ATP6V0A2: variants seen among roughly 807,000 people sequenced by gnomAD.
ATP6V0A2 encodes ATPase H+ transporting V0 subunit a2.
In ATP6V0A2, 58 loss-of-function variants were observed where a neutral mutation model predicts 104.4. That is an observed-to-expected ratio of 0.56 (90% CI 0.45 to 0.69). The LOEUF is 0.69. Among genes scored for constraint, ATP6V0A2 ranks in the 30% least tolerant of loss-of-function variants. ATP6V0A2 has a pLI of 0.00. For synonymous variants in ATP6V0A2, 376 were observed against 397.9 expected (o/e 0.95, Z 0.65); for missense variants, 938 against 1,062.9 (o/e 0.88, Z 1.63).
At chr12:123,724,925 T>G in intron 4 of ATP6V0A2, 134 bp downstream of exon 4, 1 of 594,256 alleles carries the variant, frequency 1.7e-6, no homozygotes, top group Non-Finnish European at 2.6e-6. Context: ...TAAATTTATT[T>G]ATTTATTTAA....
chr12:123,745,739 G>A (rs1195144557), intron 13 of ATP6V0A2, among the ~76,000 whole-genome samples: 1 of 150,578 alleles, frequency 6.6e-6, no homozygotes, highest in Non-Finnish European at 1.5e-5. Flanking sequence ...TGGAGAAGTA[G>A]CCCCAGGGTG....
In ATP6V0A2 at chr12:123,757,911, C is replaced by G. The variant is rs770866426; in HGVS notation, c.2466-16C>G. 5.5e-6 allele frequency: 7 copies of G among 1,261,584 alleles called. No individual in the cohort carries two copies. Among genetic ancestry groups the G allele is most frequent in the Non-Finnish European group, 7.7e-6 (7 of 904,582 alleles). 78.1% of individuals were successfully genotyped at this position (1,261,584 alleles called of 1,614,324 possible). On this transcript the variant is annotated splice_polypyrimidine_tract_variant and intron_variant, in intron 19 of 19. Transcript: ENST00000330342. ...TTCATAATCTTCCATTAATACATGG[C>G]TTTTTTTTTTTTTAGGGTAGAATTT... is the stretch of plus-strand genomic sequence containing the variant.
At chr12:123,721,189 G>GAT (rs1566274589) in intron 2 of ATP6V0A2, 2 of 106,998 alleles carry the variant, frequency 1.9e-5, no homozygotes, top group Non-Finnish European at 3.9e-5. Flanking sequence ...CATGAATCTA[G>GAT]GTGTTTTGTT....
chr12:123,719,742 T>C (rs1196960380), intron 2 of ATP6V0A2, among the ~76,000 whole-genome samples: 2 of 151,996 alleles, frequency 1.3e-5, no homozygotes, highest in Non-Finnish European at 2.9e-5. Context: ...GGTGCCCCAG[T>C]GAAGCCAGCA....
chr12:123,719,115 G>GT (rs1291890398), intron 2 of ATP6V0A2, among the ~76,000 whole-genome samples: 1 of 152,102 alleles, frequency 6.6e-6, no homozygotes, highest in Non-Finnish European at 1.5e-5. Context: ...TTGTTAATAA[G>GT]TTACTTAATT....
intron 7 of ATP6V0A2, among the ~76,000 whole-genome samples, chr12:123,734,278 G>T (rs1428494869): frequency 6.6e-6 from 1 of 152,174 alleles, no homozygotes; most frequent in Non-Finnish European, 1.5e-5. Flanking sequence ...GGTTGAAAAA[G>T]GAATAAAGTT....
At chr12:123,718,144 C>CA (rs1186762032) in intron 1 of ATP6V0A2, among the ~76,000 whole-genome samples, 2 of 150,872 alleles carry the variant, frequency 1.3e-5, no homozygotes, top group African/African-American at 4.9e-5. Flanking sequence ...GGTTGGAGTG[C>CA]AAATGGCACG....
At chr12:123,750,995 T>G in intron 15 of ATP6V0A2, 115 bp from the exon 16 acceptor site, 1 of 1,430,288 alleles carries the variant, frequency 7.0e-7, no homozygotes, top group South Asian at 1.2e-5. Context: ...TGGCATTTAT[T>G]GAATGTTCCT....
At position 123,744,356 on chromosome 12, in the gene ATP6V0A2, C is replaced by A. The variant is rs755510088; in HGVS notation, c.1326+19C>A. On this transcript the variant is annotated intron_variant, in intron 11 of 19. Coordinates refer to ENST00000330342, the MANE Select transcript of ATP6V0A2 (RefSeq NM_012463.4). The surrounding 1 kb of genome is among the most constrained non-coding windows in gnomAD (Gnocchi z 5.4). ...ACAAGAGGTAAAAATATAAACACTC[C>A]AGCTCATATATCTGGTTAGGTGGCA... The A allele has an allele frequency of 1.2e-6, 2 of 1,613,968 alleles. No homozygotes were observed. Among genetic ancestry groups the A allele is most frequent in the African/African-American group, 1.3e-5 (1 of 74,892 alleles).
chr12:123,720,178 AAGTGTAAC>A (rs1038961462), intron 2 of ATP6V0A2, among the ~76,000 whole-genome samples: 6 of 152,150 alleles, frequency 3.9e-5, no homozygotes, highest in African/African-American at 1.4e-4. Context: ...GGGGATTTTT[AAGTGTAAC>A]AGGAAATTTT....
intron 3 of ATP6V0A2, chr12:123,724,268 T>C (rs1956427030): frequency 5.5e-6 from 1 of 180,318 alleles, no homozygotes; most frequent in Non-Finnish European, 1.2e-5. Flanking sequence ...TTTTTTGTAT[T>C]CTTAGTAGAG....
chr12:123,756,753 C>T, intron 18 of ATP6V0A2, 62 bp from the exon 19 acceptor site: 15 of 1,571,448 alleles, frequency 9.5e-6, no homozygotes, highest in Non-Finnish European at 1.3e-5. Context: ...GTCCAGGTAG[C>T]TCACAGAGGG....
chr12:123,754,203 G>A (rs879097476), intron 17 of ATP6V0A2: 2 of 608,152 alleles, frequency 3.3e-6, no homozygotes, highest in Non-Finnish European at 5.9e-6. Flanking sequence ...GATGAAGGTG[G>A]GGATTTGGGG....
intron 9 of ATP6V0A2, among the ~76,000 whole-genome samples, chr12:123,741,429 A>G (rs1286529350): frequency 1.3e-5 from 2 of 151,984 alleles, no homozygotes; most frequent in Admixed American, 1.3e-4. Context: ...GAAGATGCTT[A>G]GCTGCTCAAG....
rs1314382494 is a variant in ATP6V0A2 at position 123,756,839 on chromosome 12, T to C, written c.2318T>C (p.Met773Thr). Residue 773 changes from methionine (M) to threonine (T), a missense_variant, in exon 19 of 20, where the codon ATG becomes ACG. Physicochemically the swap from Met to Thr is moderately conservative, Grantham distance 81 (BLOSUM62 -1). Coordinates refer to ENST00000330342, the MANE Select transcript of ATP6V0A2 (RefSeq NM_012463.4). ...HAQLSDVLWAMLMRVGLRVDT... is the reference protein window; with the variant it reads ...HAQLSDVLWATLMRVGLRVDT... Reference sequence around the variant, plus strand: ...GAGTTGTCTGATGTCCTGTGGGCCATGCTGATGCGCGTGGGCCTCCGCGTT... The same window carrying C: ...GAGTTGTCTGATGTCCTGTGGGCCACGCTGATGCGCGTGGGCCTCCGCGTT... The C allele has an allele frequency of 6.2e-7, 1 of 1,614,112 alleles. No individual in the cohort carries two copies. Among genetic ancestry groups the C allele is most frequent in the South Asian group, 1.1e-5 (1 of 91,062 alleles).
At chr12:123,720,823 G>C (rs1956392199) in intron 2 of ATP6V0A2, among the ~76,000 whole-genome samples, 1 of 152,082 alleles carries the variant, frequency 6.6e-6, no homozygotes, top group Admixed American at 6.6e-5. Context: ...TTGAGCCCAG[G>C]AGTTCAAGGC....
In ATP6V0A2 at chr12:123,743,859, CA is replaced by C; in HGVS notation, c.1114del (p.Thr372ProfsTer39). ...AAGAAACACCCCCCACTCGGATCCG[CA>C]CCAACAAATTCACCGAGGGATTTCA... ...TKETPPTRIRTNKFTEGFQNI... is the reference protein window; with the variant it reads ...TKETPPTRIRXNKFTEGFQNI... On this transcript the variant is annotated frameshift_variant, in exon 10 of 20. Transcript: ENST00000330342. LOFTEE classifies it high-confidence loss of function. 6.2e-7 allele frequency: 1 copy of C among 1,614,144 alleles called. No individual in the cohort carries two copies. Among genetic ancestry groups the C allele is most frequent in the Non-Finnish European group, 8.5e-7 (1 of 1,180,010 alleles).
At chr12:123,736,019 C>T (rs371270121) in intron 8 of ATP6V0A2, among the ~76,000 whole-genome samples, 13 of 151,136 alleles carry the variant, frequency 8.6e-5, no homozygotes, top group East Asian at 7.8e-4. Flanking sequence ...ATTACAGTCA[C>T]GCACCACCAT....
chr12:123,751,726 G>A (rs940956595), intron 16 of ATP6V0A2, among the ~76,000 whole-genome samples: 1 of 152,082 alleles, frequency 6.6e-6, no homozygotes, highest in African/African-American at 2.4e-5. Context: ...GACCCGCCCT[G>A]GTATGAACTA....
Sources: gnomAD v4.1 joint callset for allele counts (sites outside exome capture counted in the v4.1 genomes callset) on GRCh38, gnomAD v4.1.1 for gene constraint, Gnocchi (gnomAD v3.1) non-coding constraint, MANE v1.5 for transcripts, NCBI Gene and HGNC (gene_info 2026-07-23, HGNC 2026-07-21) for gene names.